The following CSNK1G1 variants were observed in gnomAD, a reference collection of about 807,000 sequenced individuals.
CSNK1G1 encodes casein kinase I isoform gamma-1.
A neutral mutation model predicts 59.6 loss-of-function variants in CSNK1G1; 22 were observed. The ratio of observed to expected loss-of-function variants is 0.37; its 90% CI spans 0.26 to 0.53. CSNK1G1 has a LOEUF of 0.53. Ranked by LOEUF, CSNK1G1 falls within the 20% of genes least tolerant of loss-of-function variation. CSNK1G1 has a pLI of 0.89. For synonymous variants in CSNK1G1, 179 were observed against 177.1 expected (o/e 1.01, Z -0.08); for missense variants, 384 against 519.5 (o/e 0.74, Z 2.54).
At chr15:64,309,901 A>G (rs1895899760) in intron 1 of CSNK1G1, among the ~76,000 whole-genome samples, 1 of 152,134 alleles carries the variant, frequency 6.6e-6, no homozygotes, top group Non-Finnish European at 1.5e-5. Flanking sequence ...CTTGAGCCGA[A>G]GAATTCAATA....
intron 10 of CSNK1G1, chr15:64,181,051 A>T: frequency 9.3e-7 from 1 of 1,071,372 alleles, no homozygotes; most frequent in Non-Finnish European, 1.3e-6. Flanking sequence ...AACTATAAAT[A>T]ATCACACTTT....
intron 7 of CSNK1G1, among the ~76,000 whole-genome samples, chr15:64,206,383 T>A (rs1317091782): frequency 6.6e-6 from 1 of 151,902 alleles, no homozygotes; most frequent in Non-Finnish European, 1.5e-5. Context: ...GAGGTTGCAG[T>A]GAGCCGAGAT....
At chr15:64,312,340 C>T (rs1223584451) in intron 1 of CSNK1G1, among the ~76,000 whole-genome samples, 1 of 152,176 alleles carries the variant, frequency 6.6e-6, no homozygotes, top group East Asian at 1.9e-4. Flanking sequence ...CATCACGCTA[C>T]CTGACTTCAA....
intron 1 of CSNK1G1, among the ~76,000 whole-genome samples, chr15:64,345,662 C>A (rs1176714835): frequency 6.6e-6 from 1 of 152,154 alleles, no homozygotes; most frequent in Non-Finnish European, 1.5e-5. Flanking sequence ...GGGAAAACCA[C>A]ACTCTGAACA....
chr15:64,310,376 G>GT (rs1895925766), intron 1 of CSNK1G1, among the ~76,000 whole-genome samples: 1 of 151,550 alleles, frequency 6.6e-6, no homozygotes, highest in South Asian at 2.1e-4. Context: ...GAAATGTACT[G>GT]TATCTTGTAC....
intron 1 of CSNK1G1, among the ~76,000 whole-genome samples, chr15:64,312,043 CTT>C: frequency 6.6e-6 from 1 of 152,224 alleles, no homozygotes; most frequent in South Asian, 2.1e-4. Flanking sequence ...AGGAATACAA[CTT>C]ATAAGGGATG....
chr15:64,309,749 A>T (rs1339595038), intron 1 of CSNK1G1, among the ~76,000 whole-genome samples: 1 of 152,240 alleles, frequency 6.6e-6, no homozygotes, highest in African/African-American at 2.4e-5. Flanking sequence ...TTAGAAAACT[A>T]TAACCCAAAT....
intron 1 of CSNK1G1, among the ~76,000 whole-genome samples, chr15:64,303,356 C>T (rs960630198): frequency 6.7e-6 from 1 of 148,158 alleles, no homozygotes; most frequent in Non-Finnish European, 1.5e-5. Flanking sequence ...GGCTCATCCA[C>T]GTAATCCCAG....
chr15:64,315,023 T>A (rs903777602), intron 1 of CSNK1G1, among the ~76,000 whole-genome samples: 3 of 152,206 alleles, frequency 2.0e-5, no homozygotes, highest in African/African-American at 7.2e-5. Flanking sequence ...ATGTAGTAAT[T>A]CTATTTTTAG....
At position 64,170,356 on chromosome 15, in the gene CSNK1G1, A is replaced by G. The variant is rs193220181; in HGVS notation, c.*1575T>C. 3.6e-3 allele frequency: 554 copies of G among 152,512 alleles called. 5 individuals carry two copies. The highest frequency in any genetic ancestry group is 4.6e-3 in the Non-Finnish European group (310 of 68,062). The allele number at this position is 152,512 out of a possible 1,614,324, so 9.4% of individuals were successfully genotyped here. On this transcript the variant is annotated 3_prime_UTR_variant, in exon 12 of 12. Coordinates refer to ENST00000303052, the MANE Select transcript of CSNK1G1 (RefSeq NM_022048.5). ...CGGCCACCTTTCTGGAAGGAGTCCA[A>G]TTGAGAAGATAATTTCAGACCTTTC... is the stretch of plus-strand genomic sequence containing the variant.
At chr15:64,225,188 T>C (rs2082442665) in intron 4 of CSNK1G1, among the ~76,000 whole-genome samples, 3 of 151,902 alleles carry the variant, frequency 2.0e-5, no homozygotes, top group African/African-American at 7.3e-5. Context: ...TTTGCATTTT[T>C]AGTAGAGCTG....
chr15:64,288,130 G>A (rs1255218140), intron 2 of CSNK1G1, among the ~76,000 whole-genome samples: 4 of 152,022 alleles, frequency 2.6e-5, no homozygotes, highest in Admixed American at 6.6e-5. Flanking sequence ...TGATAACTAA[G>A]AATTTTTTTT....
chr15:64,280,293 T>C (rs72756978), intron 2 of CSNK1G1, among the ~76,000 whole-genome samples: 6,735 of 152,140 alleles, frequency 0.044, 196 homozygotes, highest in South Asian at 0.085. Flanking sequence ...CAAGAAGTCT[T>C]TGGAAGCTGT....
chr15:64,223,340 T>C (rs532800190), intron 4 of CSNK1G1, among the ~76,000 whole-genome samples: 18 of 152,306 alleles, frequency 1.2e-4, no homozygotes, highest in African/African-American at 4.1e-4. Flanking sequence ...AATCCTTTAA[T>C]GAGGCTGGGG....
intron 2 of CSNK1G1, chr15:64,265,662 T>TAAAA: frequency 3.6e-6 from 1 of 274,044 alleles, no homozygotes. Context: ...ACAATAGCTT[T>TAAAA]AAAAAAAAAA....
At chr15:64,265,954 A>G in intron 2 of CSNK1G1, 1 of 398,096 alleles carries the variant, frequency 2.5e-6, no homozygotes, top group Admixed American at 2.9e-5. Context: ...TGTAGGGGTA[A>G]GTGCCTATAA....
At position 64,242,735 on chromosome 15, in the gene CSNK1G1, T is replaced by C. The variant is rs567312973; in HGVS notation, c.292+8777A>G. Among the ~76,000 whole-genome samples, 9 of 152,152 alleles carry C rather than the reference T, an allele frequency of 5.9e-5. 1 individual carries two copies. The highest frequency in any genetic ancestry group is 1.9e-4 in the African/African-American group (8 of 41,512). On this transcript the variant is annotated intron_variant, in intron 4 of 11. Coordinates refer to ENST00000303052, the MANE Select transcript of CSNK1G1 (RefSeq NM_022048.5). The stretch of plus-strand genomic sequence containing the variant: ...AAAATTCTTCCAAACTCATTCTGAG[T>C]CCAGGATTACCCTGATGCCAAAACC...
At chr15:64,313,666 G>C (rs1029792223) in intron 1 of CSNK1G1, among the ~76,000 whole-genome samples, 1 of 151,702 alleles carries the variant, frequency 6.6e-6, no homozygotes, top group Non-Finnish European at 1.5e-5. Context: ...GGGTTGATGG[G>C]TGCAGGAAAC....
chr15:64,340,647 T>C (rs899446860), intron 1 of CSNK1G1, among the ~76,000 whole-genome samples: 7 of 152,176 alleles, frequency 4.6e-5, no homozygotes, highest in African/African-American at 1.4e-4. Context: ...AGTTGCTAGG[T>C]AGAACTTCTG....
Sources: allele counts gnomAD v4.1 joint callset (sites outside exome capture counted in the v4.1 genomes callset), GRCh38; gene constraint gnomAD v4.1.1; transcripts MANE v1.5; gene names NCBI Gene and HGNC (gene_info 2026-07-23, HGNC 2026-07-21).